The following NVL variants were observed in gnomAD, a reference collection of about 807,000 sequenced individuals.
The protein encoded by NVL is nuclear valosin-containing protein-like.
NVL carries 84 observed loss-of-function variants against 110.2 expected under a neutral mutation model. That is an observed-to-expected ratio of 0.76 (90% CI 0.64 to 0.91). NVL has a LOEUF of 0.91. NVL is among the 40% of genes least tolerant of loss of function. The pLI, the probability that NVL is intolerant of heterozygous loss-of-function variation, is 0.00. For synonymous variants in NVL, 354 were observed against 361.1 expected (o/e 0.98, Z 0.22); for missense variants, 882 against 1,035.9 (o/e 0.85, Z 2.04).
rs201302704 is a variant in NVL at position 224,281,099 on chromosome 1, A to C, written c.1962+24T>G. 390 of 1,597,688 alleles carry C rather than the reference A, an allele frequency of 2.4e-4. 1 individual carries two copies. In the Middle Eastern group the frequency reaches 5.8e-3, roughly 24 times the overall value. On this transcript the variant is annotated intron_variant, in intron 16 of 22. Coordinates refer to ENST00000281701, the MANE Select transcript of NVL (RefSeq NM_002533.4). Reference sequence around the variant, plus strand: ...ACCATTACTTTTTCTAATCTAAAATAATGGTTCTTGCTCAATAACTTACCA... The same window carrying C: ...ACCATTACTTTTTCTAATCTAAAATCATGGTTCTTGCTCAATAACTTACCA...
At chr1:224,230,459 C>A (rs1279352027) in intron 22 of NVL, among the ~76,000 whole-genome samples, 2 of 152,008 alleles carry the variant, frequency 1.3e-5, no homozygotes, top group Admixed American at 6.6e-5. Context: ...AAAAAATTAG[C>A]CAGGCATGGT....
intron 17 of NVL, 55 bp from the exon 18 acceptor site, chr1:224,268,188 A>G: frequency 8.5e-7 from 1 of 1,179,196 alleles, no homozygotes; most frequent in Non-Finnish European, 1.2e-6. Context: ...AAAAATACCC[A>G]TTTTCTTCCA....
At chr1:224,313,529 G>A (rs961710306) in intron 4 of NVL, among the ~76,000 whole-genome samples, 1 of 152,122 alleles carries the variant, frequency 6.6e-6, no homozygotes, top group Non-Finnish European at 1.5e-5. Context: ...TGGCAACATG[G>A]GGAAAGCAGT....
chr1:224,260,687 T>C (rs938298595), intron 18 of NVL, among the ~76,000 whole-genome samples: 2 of 151,126 alleles, frequency 1.3e-5, no homozygotes, highest in Non-Finnish European at 2.9e-5. Flanking sequence ...TGCTTATTTA[T>C]TTCTTCTTTT....
At position 224,292,160 on chromosome 1, in the gene NVL, G is replaced by A. The variant is rs548469972; in HGVS notation, c.1325+2107C>T. Among the ~76,000 whole-genome samples, 346 of 152,292 alleles carry A rather than the reference G, an allele frequency of 2.3e-3. 1 individual carries two copies. Among genetic ancestry groups the A allele is most frequent in the Middle Eastern group, 6.8e-3 (2 of 294 alleles). On this transcript the variant is annotated intron_variant, in intron 12 of 22. Coordinates refer to ENST00000281701, the MANE Select transcript of NVL (RefSeq NM_002533.4). ...TTTTCCATAATTTGATGCTTTTGAA[G>A]TACAGGATGATATCCGGAGGATCAC...
intron 18 of NVL, among the ~76,000 whole-genome samples, chr1:224,264,887 C>A: frequency 6.6e-6 from 1 of 152,130 alleles, no homozygotes; most frequent in East Asian, 1.9e-4. Context: ...GCTGGGACTA[C>A]AGGTGTGTGC....
At chr1:224,298,191 G>C (rs1365213031) in intron 10 of NVL, 3 of 196,848 alleles carry the variant, frequency 1.5e-5, no homozygotes, top group African/African-American at 7.2e-5. Flanking sequence ...GCAACAGAAC[G>C]AGACTCTGTC....
intron 19 of NVL, among the ~76,000 whole-genome samples, chr1:224,248,590 A>T (rs1662121877): frequency 6.6e-6 from 1 of 152,188 alleles, no homozygotes; most frequent in Non-Finnish European, 1.5e-5. Flanking sequence ...AAGAATACTA[A>T]AAAAAGTTAA....
In NVL at chr1:224,296,419, T is replaced by C. The variant is rs929900539; in HGVS notation, c.1180+82A>G. The C allele has an allele frequency of 6.0e-5, 42 of 701,400 alleles. No individual in the cohort carries two copies. In the African/African-American group the frequency reaches 7.4e-4, roughly 12 times the overall value. The allele number at this position is 701,400 out of a possible 1,614,324, so 43.4% of individuals were successfully genotyped here. On this transcript the variant is annotated intron_variant, in intron 11 of 22. Transcript: ENST00000281701. ...CACTATTTGATATTTACTATATGAA[T>C]ATTATTTTTTATCTTCATGTATTAA...
At chr1:224,311,995 G>C in intron 4 of NVL, 138 bp from the exon 5 acceptor site, 2 of 637,904 alleles carry the variant, frequency 3.1e-6, no homozygotes, top group Non-Finnish European at 5.4e-6. Flanking sequence ...AGAGAAACTA[G>C]GATTCAAAAT....
chr1:224,293,346 G>C (rs545529955), intron 12 of NVL, among the ~76,000 whole-genome samples: 1 of 152,316 alleles, frequency 6.6e-6, no homozygotes, highest in East Asian at 1.9e-4. Context: ...AGGGATTACA[G>C]GCGTGAGCCA....
At chr1:224,288,505 T>A (rs972420175) in intron 13 of NVL, among the ~76,000 whole-genome samples, 2 of 152,154 alleles carry the variant, frequency 1.3e-5, no homozygotes, top group African/African-American at 4.8e-5. Flanking sequence ...AAAGGATAAG[T>A]CTAAAAAACA....
chr1:224,268,241 A>G, intron 17 of NVL, 108 bp from the exon 18 acceptor site: 1 of 801,188 alleles, frequency 1.2e-6, no homozygotes, highest in Non-Finnish European at 2.0e-6. Context: ...GATAACAATG[A>G]TAATTTTCTG....
At position 224,255,689 on chromosome 1, in the gene NVL, C is replaced by T. The variant is rs185978694; in HGVS notation, c.2183-5371G>A. 4.6e-5 allele frequency among the ~76,000 whole-genome samples: 7 copies of T among 152,288 alleles called. No individual in the cohort carries two copies. In the East Asian group the frequency reaches 5.8e-4, roughly 13 times the overall value. Reference sequence around the variant, plus strand: ...TCTCCTGAGTAGCTGGGTTTACAGGCGTGTACCACTGTACCTGGCTTATTG... The same window carrying T: ...TCTCCTGAGTAGCTGGGTTTACAGGTGTGTACCACTGTACCTGGCTTATTG... On this transcript the variant is annotated intron_variant, in intron 18 of 22. Coordinates refer to ENST00000281701, the MANE Select transcript of NVL (RefSeq NM_002533.4).
intron 21 of NVL, among the ~76,000 whole-genome samples, chr1:224,232,705 C>T (rs1006013098): frequency 6.6e-6 from 1 of 152,114 alleles, no homozygotes; most frequent in Non-Finnish European, 1.5e-5. Context: ...ACATTAAAGA[C>T]ACTGTCAAAT....
intron 17 of NVL, chr1:224,270,049 T>C (rs1369636636): frequency 6.7e-6 from 1 of 149,588 alleles, no homozygotes; most frequent in African/African-American, 2.5e-5. Flanking sequence ...GGATTACAGG[T>C]ATGAACTACC....
intron 22 of NVL, 29 bp from the exon 23 acceptor site, chr1:224,227,699 A>T: frequency 6.2e-7 from 1 of 1,600,440 alleles, no homozygotes. Context: ...CAGAATACAG[A>T]GACCGTCACT....
chr1:224,321,054 C>T (rs1256147294), intron 2 of NVL, among the ~76,000 whole-genome samples: 1 of 151,938 alleles, frequency 6.6e-6, no homozygotes, highest in African/African-American at 2.4e-5. Context: ...GAGTTCAAGG[C>T]CAGCTGGGCA....
At chr1:224,267,897 T>C (rs1358141446) in intron 18 of NVL, 137 bp downstream of exon 18, 15 of 623,624 alleles carry the variant, frequency 2.4e-5, no homozygotes, top group Non-Finnish European at 3.5e-5. Flanking sequence ...TTAATCTTCC[T>C]TTCCTAGGAT....
Sources: allele counts gnomAD v4.1 joint callset (sites outside exome capture counted in the v4.1 genomes callset), GRCh38; gene constraint gnomAD v4.1.1; transcripts MANE v1.5; gene names NCBI Gene and HGNC (gene_info 2026-07-23, HGNC 2026-07-21).